The following SLC26A7 variants were observed in gnomAD, a reference collection of about 807,000 sequenced individuals.
SLC26A7 encodes the protein solute carrier family 26 member 7, also known as anion exchange transporter.
SLC26A7 carries 59 observed loss-of-function variants against 82.5 expected under a neutral mutation model. The observed-to-expected ratio is 0.72, with a 90% confidence interval of 0.58 to 0.89. The LOEUF is 0.89. Ranked by LOEUF, SLC26A7 falls within the 40% of genes least tolerant of loss-of-function variation. The probability of loss-of-function intolerance (pLI) is 0.00; values close to 1 mark genes in which losing one functional copy is unlikely to be tolerated. For missense variants in SLC26A7, 820 were observed against 793.0 expected, an observed-to-expected ratio of 1.03 and a Z score of -0.41; for synonymous variants, 271 against 274.3, an observed-to-expected ratio of 0.99 and a Z score of 0.12.
At position 91,349,221 on chromosome 8, in the gene SLC26A7, C is replaced by T. The variant is rs577073269; in HGVS notation, c.1141-2589C>T. Among the ~76,000 whole-genome samples the T allele has an allele frequency of 5.3e-5, 8 of 150,388 alleles. No homozygotes were observed. The South Asian group carries it at 6.4e-4, about 12-fold the overall frequency. ...GGCATCAACAATGATAAGGCAAGTGCGTCAAGGGAGCTAACATAACCCATT... is the reference window on the plus strand; with the variant it reads ...GGCATCAACAATGATAAGGCAAGTGTGTCAAGGGAGCTAACATAACCCATT... On this transcript the variant is annotated intron_variant, in intron 9 of 18. Coordinates refer to ENST00000276609, the MANE Select transcript of SLC26A7 (RefSeq NM_052832.4).
chr8:91,340,376 G>A (rs748176672), intron 7 of SLC26A7, 28 bp from the exon 8 acceptor site: 2 of 1,601,672 alleles, frequency 1.2e-6, no homozygotes, highest in East Asian at 4.5e-5. Flanking sequence ...GAAGTTTGAT[G>A]ACTTCAATAT....
At chr8:91,296,944 C>T (rs1398566569) in intron 4 of SLC26A7, among the ~76,000 whole-genome samples, 2 of 152,114 alleles carry the variant, frequency 1.3e-5, no homozygotes, top group Non-Finnish European at 2.9e-5. Flanking sequence ...CTATCCCCAT[C>T]TCAGAAATAA....
chr8:91,385,452 T>C (rs962415824), intron 15 of SLC26A7, among the ~76,000 whole-genome samples: 1 of 152,238 alleles, frequency 6.6e-6, no homozygotes, highest in African/African-American at 2.4e-5. Context: ...TTCATTTGGG[T>C]GAATGGGTAA....
At chr8:91,331,216 G>A (rs1261078654) in intron 5 of SLC26A7, among the ~76,000 whole-genome samples, 2 of 152,098 alleles carry the variant, frequency 1.3e-5, no homozygotes, top group Admixed American at 6.6e-5. Flanking sequence ...TGAACTCAGA[G>A]GGGGCCACAC....
chr8:91,394,292 A>G, intron 18 of SLC26A7: 5 of 1,612,838 alleles, frequency 3.1e-6, no homozygotes, highest in Non-Finnish European at 4.2e-6. Flanking sequence ...GTGGTTGCCT[A>G]TCATTTGCAA....
At chr8:91,264,220 T>A (rs1253501659) in intron 2 of SLC26A7, among the ~76,000 whole-genome samples, 1 of 152,212 alleles carries the variant, frequency 6.6e-6, no homozygotes, top group South Asian at 2.1e-4. Flanking sequence ...GACTCATGCA[T>A]CTACAGCTTT....
chr8:91,249,819 G>GTT lies in SLC26A7; in HGVS notation c.169_170dup (p.Leu57PhefsTer7). On this transcript the variant is annotated frameshift_variant, in exon 2 of 19. Coordinates refer to ENST00000276609, the MANE Select transcript of SLC26A7 (RefSeq NM_052832.4). LOFTEE classifies it high-confidence loss of function. ...TTCCAGACACTGTGTCTGGGATAAT[G>GTT]TTGGCAGTTCAACAGGTGACCCAAG... is the stretch of plus-strand genomic sequence containing the variant. The GTT allele has an allele frequency of 1.9e-6, 3 of 1,606,776 alleles. No homozygotes were observed. Among genetic ancestry groups the GTT allele is most frequent in the Non-Finnish European group, 2.5e-6 (3 of 1,177,546 alleles).
At chr8:91,309,450 C>T (rs1812415056) in intron 4 of SLC26A7, among the ~76,000 whole-genome samples, 1 of 151,570 alleles carries the variant, frequency 6.6e-6, no homozygotes, top group South Asian at 2.1e-4. Flanking sequence ...TGGCTCCTAA[C>T]ACTCACCATC....
rs1810606842 is a variant in SLC26A7 at position 91,249,720 on chromosome 8, C to T, written c.69C>T (p.Asp23=). 1 of 1,608,310 alleles carries T rather than the reference C, an allele frequency of 6.2e-7. No homozygotes were observed. Among genetic ancestry groups the T allele is most frequent in the African/African-American group, 1.3e-5 (1 of 74,426 alleles). Residue 23 remains aspartate (D), a synonymous_variant, in exon 2 of 19, where the codon GAC becomes GAT. Coordinates refer to ENST00000276609, the MANE Select transcript of SLC26A7 (RefSeq NM_052832.4). ...WSKMHTPQCE[D]IIQWCRRRLP... ...AGATGCATACCCCCCAGTGTGAAGACATTATACAGTGGTGTAGAAGGCGAC... is the reference window on the plus strand; with the variant it reads ...AGATGCATACCCCCCAGTGTGAAGATATTATACAGTGGTGTAGAAGGCGAC...
chr8:91,358,934 T>A (rs1813965709), intron 11 of SLC26A7, among the ~76,000 whole-genome samples: 2 of 151,632 alleles, frequency 1.3e-5, no homozygotes, highest in Non-Finnish European at 1.5e-5. Flanking sequence ...CGGTTGTGGG[T>A]TGGGGGGACG....
intron 4 of SLC26A7, among the ~76,000 whole-genome samples, chr8:91,307,479 A>G (rs1812345996): frequency 6.9e-6 from 1 of 145,474 alleles, no homozygotes; most frequent in African/African-American, 2.6e-5. Context: ...ATAAAAAATG[A>G]TGAGTTCATG....
chr8:91,225,045 A>G (rs945649665), intron 2 of SLC26A7, among the ~76,000 whole-genome samples: 17 of 152,204 alleles, frequency 1.1e-4, no homozygotes, highest in African/African-American at 3.6e-4. Flanking sequence ...CAGCAGGGGA[A>G]AAAGCGCAGC....
intron 16 of SLC26A7, among the ~76,000 whole-genome samples, chr8:91,392,759 T>C (rs1458025103): frequency 6.6e-6 from 1 of 152,152 alleles, no homozygotes. Flanking sequence ...ATTGAGGAGG[T>C]CAGTGAACTG....
In SLC26A7 at chr8:91,334,308, T is replaced by C; in HGVS notation, c.656T>C (p.Val219Ala). ...TCATTACTGTAGATTTATGCATATGTTTTTGAAAACATCAAGTCTGTGCGA... is the reference window on the plus strand; with the variant it reads ...TCATTACTGTAGATTTATGCATATGCTTTTGAAAACATCAAGTCTGTGCGA... Reference protein sequence around the residue: ...PLGFFYIYAYVFENIKSVRLE... With the variant: ...PLGFFYIYAYAFENIKSVRLE... Residue 219 changes from valine to alanine, a missense_variant, in exon 6 of 19, where the codon GTT becomes GCT. By Grantham distance (64) the Val-to-Ala change is moderately conservative. Transcript: ENST00000276609. 6.2e-7 allele frequency: 1 copy of C among 1,610,438 alleles called. No homozygotes were observed.
chr8:91,346,256 C>T (rs1405906322), intron 9 of SLC26A7, among the ~76,000 whole-genome samples: 1 of 152,114 alleles, frequency 6.6e-6, no homozygotes, highest in Non-Finnish European at 1.5e-5. Context: ...AATGTGCATA[C>T]TCAAATTGAG....
chr8:91,350,289 G>T (rs1813678130), intron 9 of SLC26A7, among the ~76,000 whole-genome samples: 1 of 151,710 alleles, frequency 6.6e-6, no homozygotes, highest in Non-Finnish European at 1.5e-5. Flanking sequence ...GTTAGGACAA[G>T]TGTTGTGGGT....
Position 91,211,669 on chromosome 8 carries a change from T to A in SLC26A7, c.-150+2127T>A, listed in dbSNP as rs971591431. Among the ~76,000 whole-genome samples, 8 of 150,552 alleles carry A rather than the reference T, an allele frequency of 5.3e-5. 1 individual carries two copies. The South Asian group carries it at 6.2e-4, about 12-fold the overall frequency. ...GCCTCTCTTTCTGTTAAATTTTTTT[T>A]AATTTGTTAATTATCTCTTCAGAAA... On this transcript the variant is annotated intron_variant, in intron 1 of 5. Transcript: ENST00000522862.
rs568865761 is a variant in SLC26A7 at position 91,316,375 on chromosome 8, T to C, written c.478-1841T>C. ...ACAGCTTACTGCAACCTCTGCCTCC[T>C]GGGCTCAGGCCATCCTTCCACCTCA... On this transcript the variant is annotated intron_variant, in intron 4 of 18. Coordinates refer to ENST00000276609, the MANE Select transcript of SLC26A7 (RefSeq NM_052832.4). Among the ~76,000 whole-genome samples, 361 of 150,040 alleles carry C rather than the reference T, an allele frequency of 2.4e-3. 1 individual carries two copies. The highest frequency in any genetic ancestry group is 8.3e-3 in the African/African-American group (341 of 40,932).
intron 2 of SLC26A7, among the ~76,000 whole-genome samples, chr8:91,234,154 T>C (rs1336696934): frequency 6.6e-6 from 1 of 152,252 alleles, no homozygotes; most frequent in African/African-American, 2.4e-5. Context: ...TGGTATCTGT[T>C]TTTTTCATGC....
Sources: gnomAD v4.1 joint callset for allele counts (sites outside exome capture counted in the v4.1 genomes callset) on GRCh38, gnomAD v4.1.1 for gene constraint, MANE v1.5 for transcripts, NCBI Gene and HGNC (gene_info 2026-07-23, HGNC 2026-07-21) for gene names.